PREP: variants seen among roughly 807,000 people sequenced by gnomAD.
PREP encodes prolyl endopeptidase.
In PREP, 29 loss-of-function variants were observed where a neutral mutation model predicts 87.6. The ratio of observed to expected loss-of-function variants is 0.33; its 90% confidence interval spans 0.25 to 0.45. The LOEUF is 0.45. PREP is among the 20% of genes least tolerant of loss of function. The pLI, the probability that PREP is intolerant of heterozygous loss-of-function variation, is 1.00. For synonymous variants in PREP, 337 were observed against 328.6 expected (o/e 1.03, Z -0.28); for missense variants, 695 against 886.5 (o/e 0.78, Z 2.74).
intron 2 of PREP, among the ~76,000 whole-genome samples, chr6:105,390,275 C>A (rs1349551322): frequency 6.6e-6 from 1 of 152,170 alleles, no homozygotes; most frequent in Non-Finnish European, 1.5e-5. Context: ...GAAAAGAAAT[C>A]TACATTTATA....
rs551863078 is a variant in PREP at position 105,274,422 on chromosome 6, T to A, written c.*3722A>T. 2.0e-5 allele frequency among the ~76,000 whole-genome samples: 3 copies of A among 152,268 alleles called. No homozygotes were observed. In the South Asian group the frequency reaches 6.2e-4, roughly 32 times the overall value. On this transcript the variant is annotated 3_prime_UTR_variant, in exon 15 of 15. Coordinates refer to ENST00000652536, the MANE Select transcript of PREP (RefSeq NM_002726.5). ...TTCCATCACTTTGGGATTTACGATT[T>A]CAACATATACATTTCGGGGAGGACA...
rs1054145199 is a variant in PREP at position 105,403,050 on chromosome 6, C to G, written c.-159G>C. 11 of 291,996 alleles carry G rather than the reference C, an allele frequency of 3.8e-5. No individual in the cohort carries two copies. The highest frequency in any genetic ancestry group is 2.0e-4 in the African/African-American group (9 of 45,338). 18.1% of individuals were successfully genotyped at this position (291,996 alleles called of 1,614,324 possible). On this transcript the variant is annotated 5_prime_UTR_variant, in exon 1 of 15. Transcript: ENST00000652536. ...CACGGCCAGAGCTAGCACAAACGGACTGGCGGCGCGGCGGCGAGGACGTGC... is the reference window on the plus strand; with the variant it reads ...CACGGCCAGAGCTAGCACAAACGGAGTGGCGGCGCGGCGGCGAGGACGTGC...
chr6:105,312,266 G>A lies in PREP; in HGVS notation c.1317+11399C>T, dbSNP rs546211144. Among the ~76,000 whole-genome samples the A allele has an allele frequency of 2.6e-3, 402 of 152,176 alleles. 1 individual carries two copies. Among genetic ancestry groups the A allele is most frequent in the African/African-American group, 9.1e-3 (377 of 41,504 alleles). ...TAATGTTTATGGCTACTTCTATACA[G>A]GCATATGTATACAAATGTACACACA... is the stretch of plus-strand genomic sequence containing the variant. On this transcript the variant is annotated intron_variant, in intron 10 of 14. Coordinates refer to ENST00000652536, the MANE Select transcript of PREP (RefSeq NM_002726.5).
At chr6:105,348,041 G>A (rs1771843165) in intron 7 of PREP, among the ~76,000 whole-genome samples, 1 of 152,072 alleles carries the variant, frequency 6.6e-6, no homozygotes, top group Admixed American at 6.6e-5. Context: ...ACCACATCAA[G>A]GATCATAGGA....
intron 2 of PREP, among the ~76,000 whole-genome samples, chr6:105,394,989 A>C (rs1773253147): frequency 6.6e-6 from 1 of 152,178 alleles, no homozygotes; most frequent in Admixed American, 6.5e-5. Context: ...AGTTGAAAAC[A>C]ATCATTTCCA....
intron 10 of PREP, among the ~76,000 whole-genome samples, chr6:105,299,548 G>A (rs762545237): frequency 2.6e-5 from 4 of 152,124 alleles, no homozygotes; most frequent in Non-Finnish European, 4.4e-5. Context: ...GCAGTAAGCC[G>A]AGATTGCGTC....
At chr6:105,365,342 A>T (rs1157801210) in intron 6 of PREP, among the ~76,000 whole-genome samples, 3 of 152,216 alleles carry the variant, frequency 2.0e-5, no homozygotes, top group Non-Finnish European at 4.4e-5. Flanking sequence ...TCCACCAGCC[A>T]TGGGTGCTTC....
chr6:105,365,655 T>C (rs1772365561), intron 6 of PREP, among the ~76,000 whole-genome samples: 1 of 152,076 alleles, frequency 6.6e-6, no homozygotes, highest in African/African-American at 2.4e-5. Context: ...AGCACTTACC[T>C]AGCCAGCCAG....
At chr6:105,402,817 A>C (rs1043409603) in intron 1 of PREP, 30 bp downstream of exon 1, 9 of 1,533,192 alleles carry the variant, frequency 5.9e-6, no homozygotes, top group Non-Finnish European at 7.0e-6. Context: ...TTTGCCCGGG[A>C]GCCCTCTGGG....
At chr6:105,337,344 C>A (rs1057302583) in intron 7 of PREP, among the ~76,000 whole-genome samples, 1 of 152,210 alleles carries the variant, frequency 6.6e-6, no homozygotes, top group South Asian at 2.1e-4. Flanking sequence ...ACCAACCTGA[C>A]AGCACTATAA....
chr6:105,391,742 G>A (rs151212547), intron 2 of PREP, among the ~76,000 whole-genome samples: 16 of 152,350 alleles, frequency 1.1e-4, no homozygotes, highest in East Asian at 5.8e-4. Context: ...CTAAGGGACC[G>A]GGAGACCGAC....
intron 7 of PREP, among the ~76,000 whole-genome samples, chr6:105,343,333 G>A (rs1771711991): frequency 6.6e-6 from 1 of 152,194 alleles, no homozygotes; most frequent in South Asian, 2.1e-4. Flanking sequence ...TATGTAGAAA[G>A]CTGAAACTGG....
chr6:105,357,987 T>G lies in PREP; in HGVS notation c.718-4910A>C, dbSNP rs144716066. Reference sequence around the variant, plus strand: ...TTGTGCTCTCCAGAAGCAATTAATCTGATTTGCAAGCACTGATTTTTTCTT... The same window carrying G: ...TTGTGCTCTCCAGAAGCAATTAATCGGATTTGCAAGCACTGATTTTTTCTT... On this transcript the variant is annotated intron_variant, in intron 6 of 14. Transcript: ENST00000652536. Among the ~76,000 whole-genome samples the G allele has an allele frequency of 8.9e-3, 1,348 of 152,120 alleles. 22 individuals carry two copies. The highest frequency in any genetic ancestry group is 0.031 in the African/African-American group (1,283 of 41,500).
At chr6:105,340,721 A>G (rs200524174) in intron 7 of PREP, among the ~76,000 whole-genome samples, 2 of 150,698 alleles carry the variant, frequency 1.3e-5, no homozygotes, top group African/African-American at 4.9e-5. Context: ...TGGAAAACAA[A>G]AAAAGCAGGG....
In PREP at chr6:105,275,381, T is replaced by C. The variant is rs1162515341; in HGVS notation, c.*2763A>G. Among the ~76,000 whole-genome samples, 3 of 152,244 alleles carry C rather than the reference T, an allele frequency of 2.0e-5. No individual in the cohort carries two copies. The highest frequency in any genetic ancestry group is 1.3e-4 in the Admixed American group (2 of 15,290). On this transcript the variant is annotated 3_prime_UTR_variant, in exon 15 of 15. Transcript: ENST00000652536. Reference sequence around the variant, plus strand: ...AGAAACATGATTAATTGGAAAGTTTTATAATATTCCAGGTAAGTCCATAGT... The same window carrying C: ...AGAAACATGATTAATTGGAAAGTTTCATAATATTCCAGGTAAGTCCATAGT...
chr6:105,284,677 C>A (rs903191916), intron 12 of PREP, among the ~76,000 whole-genome samples: 1 of 152,142 alleles, frequency 6.6e-6, no homozygotes, highest in Non-Finnish European at 1.5e-5. Context: ...CCCAAAGACA[C>A]AGGACAAGTG....
At chr6:105,304,731 A>G (rs1383352503) in intron 10 of PREP, among the ~76,000 whole-genome samples, 1 of 152,160 alleles carries the variant, frequency 6.6e-6, no homozygotes, top group African/African-American at 2.4e-5. Context: ...TAATATCAGA[A>G]AAGGTAGTTT....
chr6:105,365,992 C>T (rs576492677), intron 6 of PREP, among the ~76,000 whole-genome samples: 23 of 152,038 alleles, frequency 1.5e-4, no homozygotes, highest in Non-Finnish European at 3.1e-4. Flanking sequence ...TGGTGGCTCA[C>T]GCCTATAATC....
chr6:105,343,648 T>C (rs148621939), intron 7 of PREP, among the ~76,000 whole-genome samples: 19,084 of 151,810 alleles, frequency 0.13, 2,017 homozygotes, highest in African/African-American at 0.29. Flanking sequence ...GGCTAATATC[T>C]AGAATCTACA....
Sources: allele counts gnomAD v4.1 joint callset (sites outside exome capture counted in the v4.1 genomes callset), GRCh38; gene constraint gnomAD v4.1.1; transcripts MANE v1.5; gene names NCBI Gene and HGNC (gene_info 2026-07-23, HGNC 2026-07-21).